The following OPCML variants were observed in gnomAD, a reference collection of about 807,000 sequenced individuals.
The protein encoded by OPCML is opioid-binding protein/cell adhesion molecule.
OPCML carries 13 observed loss-of-function variants against 37.8 expected under a neutral mutation model. The observed-to-expected ratio is 0.34, with a 90% CI of 0.22 to 0.55. The LOEUF (loss-of-function observed/expected upper bound fraction) is 0.55, where lower values mean the gene tolerates loss of function less well. OPCML is among the 20% of genes least tolerant of loss of function. The pLI is 0.91. For synonymous variants in OPCML, 176 were observed against 168.8 expected (o/e 1.04, Z -0.33); for missense variants, 341 against 435.6 (o/e 0.78, Z 1.93).
chr11:132,448,566 G>C (rs78390582), intron 4 of OPCML, among the ~76,000 whole-genome samples: 4,650 of 152,302 alleles, frequency 0.031, 210 homozygotes, highest in East Asian at 0.17. Flanking sequence ...TGAAAACTTA[G>C]CTGGCAAGGG....
At chr11:133,506,313 C>G (rs1948030611) in intron 1 of OPCML, among the ~76,000 whole-genome samples, 1 of 152,184 alleles carries the variant, frequency 6.6e-6, no homozygotes, top group South Asian at 2.1e-4. Context: ...AAGAGTAGAA[C>G]AAAGAACTCC....
At chr11:132,809,404 G>A (rs780294483) in intron 2 of OPCML, among the ~76,000 whole-genome samples, 2 of 152,136 alleles carry the variant, frequency 1.3e-5, no homozygotes, top group Non-Finnish European at 2.9e-5. Flanking sequence ...AAGCAGCTCC[G>A]AGCTACAGTT....
rs1419497581 is a variant in OPCML at position 132,851,136 on chromosome 11, AGT to A, written c.146+91788_146+91789del. On this transcript the variant is annotated intron_variant, in intron 2 of 7. Coordinates refer to ENST00000524381, the MANE Select transcript of OPCML (RefSeq NM_001012393.5). ...TGTCAGAAGTGCCTGTGACTTTATCAGTGAGAAAAATCACAGCTATTTTTATA... is the reference window on the plus strand; with the variant it reads ...TGTCAGAAGTGCCTGTGACTTTATCAGAGAAAAATCACAGCTATTTTTATA... 5.9e-5 allele frequency among the ~76,000 whole-genome samples: 9 copies of A among 152,370 alleles called. No individual in the cohort carries two copies. The East Asian group carries it at 7.7e-4, about 13-fold the overall frequency.
intron 1 of OPCML, among the ~76,000 whole-genome samples, chr11:133,070,844 C>A (rs1000821621): frequency 1.3e-5 from 2 of 152,176 alleles, no homozygotes; most frequent in African/African-American, 4.8e-5. Context: ...TCCTCGGACT[C>A]TGTCAGGACC....
intron 4 of OPCML, among the ~76,000 whole-genome samples, chr11:132,444,172 G>A (rs902742051): frequency 6.6e-6 from 1 of 152,186 alleles, no homozygotes; most frequent in African/African-American, 2.4e-5. Context: ...CTAGATGGCA[G>A]CCTTATGTCT....
intron 1 of OPCML, among the ~76,000 whole-genome samples, chr11:133,188,819 A>G (rs1170236321): frequency 6.6e-6 from 1 of 151,508 alleles, no homozygotes; most frequent in African/African-American, 2.4e-5. Context: ...CGTAGCTAGT[A>G]TATGTACCCT....
chr11:133,145,606 C>A (rs1428992583), intron 1 of OPCML, among the ~76,000 whole-genome samples: 1 of 152,202 alleles, frequency 6.6e-6, no homozygotes, highest in Admixed American at 6.5e-5. Context: ...AGCTTGTGAA[C>A]ACAGGAGAGG....
chr11:133,017,440 C>A (rs12788472), intron 1 of OPCML, among the ~76,000 whole-genome samples: 20,960 of 151,884 alleles, frequency 0.14, 1,863 homozygotes, highest in Middle Eastern at 0.21. Flanking sequence ...CTCTGTCACC[C>A]AGGCTGGAGT....
intron 4 of OPCML, among the ~76,000 whole-genome samples, chr11:132,518,071 T>C (rs1424772839): frequency 6.6e-6 from 1 of 152,198 alleles, no homozygotes; most frequent in Non-Finnish European, 1.5e-5. Flanking sequence ...TAAAAAATTA[T>C]TTTCTTTACT....
chr11:132,523,043 T>C (rs1233124865), intron 4 of OPCML, among the ~76,000 whole-genome samples: 1 of 152,206 alleles, frequency 6.6e-6, no homozygotes, highest in African/African-American at 2.4e-5. Flanking sequence ...TTCAAGCGAT[T>C]CTCCTGCGTC....
At chr11:132,584,049 CA>C (rs1275118253) in intron 3 of OPCML, among the ~76,000 whole-genome samples, 1 of 151,342 alleles carries the variant, frequency 6.6e-6, no homozygotes, top group South Asian at 2.1e-4. Flanking sequence ...ATTCAAAAAT[CA>C]AAAAAAGTAA....
chr11:133,068,106 G>A (rs746612275), intron 1 of OPCML: 8 of 152,050 alleles, frequency 5.3e-5, no homozygotes, highest in Non-Finnish European at 1.0e-4. Flanking sequence ...TCTAATAAAC[G>A]TATTTATTTT....
chr11:132,492,272 G>A (rs991910577), intron 4 of OPCML, among the ~76,000 whole-genome samples: 12 of 151,944 alleles, frequency 7.9e-5, no homozygotes, highest in African/African-American at 2.9e-4. Context: ...TGAGGGGCCC[G>A]CGAGGAGAAA....
At chr11:132,789,052 G>A (rs1032420022) in intron 2 of OPCML, among the ~76,000 whole-genome samples, 34 of 152,042 alleles carry the variant, frequency 2.2e-4, no homozygotes, top group African/African-American at 7.5e-4. Flanking sequence ...ACGTGCACCC[G>A]ACAAACATTC....
chr11:132,983,048 A>G (rs1449478391), intron 1 of OPCML, among the ~76,000 whole-genome samples: 1 of 152,220 alleles, frequency 6.6e-6, no homozygotes, highest in East Asian at 1.9e-4. Flanking sequence ...GGCTTTTTGA[A>G]TGAAGCTGCC....
intron 1 of OPCML, among the ~76,000 whole-genome samples, chr11:133,512,164 G>C (rs2120630355): frequency 6.6e-6 from 1 of 152,298 alleles, no homozygotes; most frequent in South Asian, 2.1e-4. Flanking sequence ...TCCAGGTTGT[G>C]ATCTGTGTTT....
intron 1 of OPCML, chr11:133,024,699 G>C: frequency 1.2e-6 from 1 of 840,148 alleles, no homozygotes; most frequent in Middle Eastern, 6.1e-4. Context: ...TGGGGGATGG[G>C]GAGGTTCTTA....
chr11:133,340,634 G>A (rs1329961347), intron 1 of OPCML, among the ~76,000 whole-genome samples: 1 of 151,338 alleles, frequency 6.6e-6, no homozygotes, highest in Admixed American at 6.6e-5. Context: ...GTGTGTGTGT[G>A]TGTGTGTGTG....
At chr11:133,517,094 C>G (rs1039050353) in intron 1 of OPCML, among the ~76,000 whole-genome samples, 1 of 152,198 alleles carries the variant, frequency 6.6e-6, no homozygotes, top group Non-Finnish European at 1.5e-5. Flanking sequence ...TGTCTGGACT[C>G]CATTCCCAGT....
Sources: allele counts gnomAD v4.1 joint callset (sites outside exome capture counted in the v4.1 genomes callset), GRCh38; gene constraint gnomAD v4.1.1; transcripts MANE v1.5; gene names NCBI Gene and HGNC (gene_info 2026-07-23, HGNC 2026-07-21).